EMSY: variants seen among roughly 807,000 people sequenced by gnomAD.
EMSY encodes BRCA2-interacting transcriptional repressor EMSY.
A neutral mutation model predicts 134.6 loss-of-function variants in EMSY; 26 were observed. The observed-to-expected ratio is 0.19, with a 90% confidence interval of 0.14 to 0.27. The LOEUF is 0.27. Ranked by LOEUF, EMSY falls within the 10% of genes least tolerant of loss-of-function variation. EMSY has a pLI of 1.00. For synonymous variants in EMSY, 579 were observed against 577.8 expected (o/e 1.00, Z -0.03); for missense variants, 1,305 against 1,611.4 (o/e 0.81, Z 3.26).
chr11:76,513,458 C>T (rs1269279080), exon 10 of EMSY: 1 of 1,613,782 alleles, frequency 6.2e-7, no homozygotes, highest in African/African-American at 1.3e-5. Flanking sequence ...ACTCTACCCA[C>T]CAGTAGCAAT....
intron 8 of EMSY, among the ~76,000 whole-genome samples, chr11:76,475,577 G>A (rs371749442): frequency 1.3e-5 from 2 of 152,212 alleles, no homozygotes; most frequent in East Asian, 1.9e-4. Context: ...AATGAAGGAT[G>A]TAAAAGTAAA....
At chr11:76,543,191 G>C (rs1951510847) in intron 18 of EMSY, among the ~76,000 whole-genome samples, 1 of 152,164 alleles carries the variant, frequency 6.6e-6, no homozygotes, top group Non-Finnish European at 1.5e-5. Context: ...CTTATCATTA[G>C]TAGTCACATA....
chr11:76,454,433 G>A (rs551584845), intron 4 of EMSY, among the ~76,000 whole-genome samples: 1 of 152,088 alleles, frequency 6.6e-6, no homozygotes, highest in South Asian at 2.1e-4. Flanking sequence ...TAGTTGCTAG[G>A]CTAACATGGT....
At chr11:76,458,973 T>TG (rs1440391552) in intron 5 of EMSY, 2 of 152,162 alleles carry the variant, frequency 1.3e-5, no homozygotes, top group Non-Finnish European at 2.9e-5. Context: ...CTAAAAACAA[T>TG]GCATTTGTCA....
At chr11:76,463,086 C>T (rs1003840207) in intron 6 of EMSY, among the ~76,000 whole-genome samples, 6 of 151,800 alleles carry the variant, frequency 4.0e-5, no homozygotes, top group Non-Finnish European at 5.9e-5. Context: ...GAGGCCAAGG[C>T]GGGTGGATCA....
At chr11:76,456,326 G>T (rs1181060727) in intron 4 of EMSY, among the ~76,000 whole-genome samples, 1 of 152,162 alleles carries the variant, frequency 6.6e-6, no homozygotes, top group Non-Finnish European at 1.5e-5. Flanking sequence ...CTTTCTAAAA[G>T]TTGCAGTTGT....
chr11:76,519,285 A>T (rs1950564513), intron 11 of EMSY, among the ~76,000 whole-genome samples: 1 of 152,104 alleles, frequency 6.6e-6, no homozygotes. Context: ...GGATGATGTC[A>T]AACTCCTGAC....
At chr11:76,482,679 A>G (rs1370789021) in intron 8 of EMSY, among the ~76,000 whole-genome samples, 1 of 152,218 alleles carries the variant, frequency 6.6e-6, no homozygotes, top group African/African-American at 2.4e-5. Context: ...AATGAAATGA[A>G]GTGTGAAGAC....
intron 14 of EMSY, among the ~76,000 whole-genome samples, chr11:76,529,311 T>G (rs532020053): frequency 6.6e-6 from 1 of 152,306 alleles, no homozygotes; most frequent in South Asian, 2.1e-4. Context: ...TGCCTTCCCA[T>G]TATCCTCTCT....
Position 76,535,827 on chromosome 11 carries a change from TTTG to T in EMSY, c.2195-65_2195-63del, listed in dbSNP as rs949457089. 9.8e-6 allele frequency: 12 copies of T among 1,223,234 alleles called. No individual in the cohort carries two copies. The African/African-American group carries it at 1.6e-4, about 16-fold the overall frequency. The allele number at this position is 1,223,234 out of a possible 1,614,324, so 75.8% of individuals were successfully genotyped here. A position where few individuals can be genotyped will look rare whatever the true frequency, so the allele number is the denominator to read the frequency against. ...GATAAGCAAACAGACAAAAAAATTG[TTTG>T]TTTTTTTTTTTTTAAGAGAAACTTT... On this transcript the variant is annotated intron_variant, in intron 14 of 20. Coordinates refer to ENST00000334736, the Ensembl canonical transcript of EMSY.
At chr11:76,491,480 C>T (rs117323701) in intron 8 of EMSY, among the ~76,000 whole-genome samples, 2,552 of 152,236 alleles carry the variant, frequency 0.017, 47 homozygotes, top group East Asian at 0.094. Context: ...TGTGTCCAGC[C>T]CCGCCTGAGT....
At chr11:76,503,213 A>G (rs1949943469) in intron 9 of EMSY, among the ~76,000 whole-genome samples, 1 of 149,164 alleles carries the variant, frequency 6.7e-6, no homozygotes, top group Admixed American at 6.7e-5. Flanking sequence ...AGGCAGGAGA[A>G]TCACTTGTAC....
At chr11:76,544,611 C>G in exon 19 of EMSY, 1 of 1,614,140 alleles carries the variant, frequency 6.2e-7, no homozygotes, top group Non-Finnish European at 8.5e-7. Context: ...GTACAGCACA[C>G]ACAGCATCCC....
At chr11:76,507,167 G>A (rs1590927531) in intron 9 of EMSY, among the ~76,000 whole-genome samples, 1 of 152,144 alleles carries the variant, frequency 6.6e-6, no homozygotes, top group Non-Finnish European at 1.5e-5. Context: ...ATACTTCATT[G>A]CTAAAAAATG....
At chr11:76,446,678 G>A (rs1047124732) in intron 1 of EMSY, among the ~76,000 whole-genome samples, 1 of 152,216 alleles carries the variant, frequency 6.6e-6, no homozygotes, top group Non-Finnish European at 1.5e-5. Context: ...TAGAAACCTA[G>A]AGGTGTCTGG....
intron 2 of EMSY, among the ~76,000 whole-genome samples, chr11:76,447,242 G>A (rs1947456363): frequency 3.3e-5 from 5 of 152,134 alleles, no homozygotes; most frequent in Admixed American, 3.3e-4. Flanking sequence ...AGGGCTACTT[G>A]GCTATTCTGA....
intron 8 of EMSY, among the ~76,000 whole-genome samples, chr11:76,479,299 A>G (rs892396951): frequency 4.6e-5 from 7 of 152,346 alleles, no homozygotes; most frequent in Non-Finnish European, 1.0e-4. Flanking sequence ...TAATTAAAAC[A>G]CAGGTGCACA....
intron 20 of EMSY, 138 bp downstream of exon 21, chr11:76,546,435 G>C: frequency 8.1e-7 from 1 of 1,238,098 alleles, no homozygotes; most frequent in Non-Finnish European, 1.1e-6. Context: ...GATGGTGTTT[G>C]ACAAATTTGG....
chr11:76,484,279 A>T (rs1051352079), intron 8 of EMSY, among the ~76,000 whole-genome samples: 4 of 152,242 alleles, frequency 2.6e-5, no homozygotes, highest in African/African-American at 9.6e-5. Context: ...ATAGCACTAA[A>T]TGTCCACAGG....
Sources: allele counts gnomAD v4.1 joint callset (sites outside exome capture counted in the v4.1 genomes callset), GRCh38; gene constraint gnomAD v4.1.1; transcripts MANE v1.5; gene names NCBI Gene and HGNC (gene_info 2026-07-23, HGNC 2026-07-21).